Variants in IGSF11 observed in about 807,000 individuals in gnomAD.
The protein encoded by IGSF11 is CXADR like 1.
In IGSF11, 22 loss-of-function variants were observed where a neutral mutation model predicts 41.0. The observed-to-expected ratio is 0.54, with a 90% CI of 0.38 to 0.77. IGSF11 has a LOEUF of 0.77. IGSF11 is among the 30% of genes least tolerant of loss of function. The pLI, the probability that IGSF11 is intolerant of heterozygous loss-of-function variation, is 0.00. For synonymous variants in IGSF11, 219 were observed against 201.3 expected, an observed-to-expected ratio of 1.09 and a Z score of -0.74; for missense variants, 444 against 530.8, an observed-to-expected ratio of 0.84 and a Z score of 1.61.
At chr3:119,133,810 C>A (rs756749125) in intron 1 of IGSF11, among the ~76,000 whole-genome samples, 1 of 152,116 alleles carries the variant, frequency 6.6e-6, no homozygotes, top group Non-Finnish European at 1.5e-5. Context: ...AACATCGATG[C>A]GAAAATCTTC....
intron 1 of IGSF11, among the ~76,000 whole-genome samples, chr3:118,964,968 T>C (rs957709502): frequency 2.0e-5 from 3 of 152,152 alleles, no homozygotes; most frequent in African/African-American, 7.2e-5. Flanking sequence ...TTGTATAACT[T>C]CCACGTACTT....
At chr3:119,137,663 TTAAG>T (rs1189963417) in intron 1 of IGSF11, among the ~76,000 whole-genome samples, 2 of 152,168 alleles carry the variant, frequency 1.3e-5, no homozygotes, top group Non-Finnish European at 2.9e-5. Context: ...AGCAGAGTTC[TTAAG>T]TAATATCCCA....
chr3:119,082,800 G>T (rs6785914), intron 1 of IGSF11, among the ~76,000 whole-genome samples: 2 of 151,980 alleles, frequency 1.3e-5, no homozygotes, highest in Non-Finnish European at 1.5e-5. Flanking sequence ...GAAGAATCTA[G>T]GAGGTATGAT....
chr3:118,903,031 CTTTCT>C (rs1939108038), intron 6 of IGSF11, 70 bp from the exon 7 acceptor site: 3 of 1,428,344 alleles, frequency 2.1e-6, no homozygotes, highest in Admixed American at 1.9e-5. Context: ...ACCCTGGAAT[CTTTCT>C]TTTCATGTCA....
intron 1 of IGSF11, among the ~76,000 whole-genome samples, chr3:119,066,972 T>C (rs931499952): frequency 1.9e-4 from 29 of 152,196 alleles, no homozygotes; most frequent in African/African-American, 7.0e-4. Context: ...TTTCCAAATA[T>C]ATTAATCACA....
rs139357486 is a variant in IGSF11, at chr3:119,045,146, A to T, written c.49+59998T>A. Among the ~76,000 whole-genome samples, 332 of 152,366 alleles carry T rather than the reference A, an allele frequency of 2.2e-3. 2 individuals carry two copies. In the Middle Eastern group the frequency reaches 0.027, roughly 12 times the overall value. ...AATCCCACAAAAGGGAGGAGCCCAG[A>T]TGGCCAAATAGGAACAGCTCCGGTC... On this transcript the variant is annotated intron_variant, in intron 1 of 6. Transcript: ENST00000354673.
chr3:119,047,508 T>A (rs1468310164), intron 1 of IGSF11, among the ~76,000 whole-genome samples: 1 of 152,044 alleles, frequency 6.6e-6, no homozygotes, highest in African/African-American at 2.4e-5. Flanking sequence ...AAGTCCTGAG[T>A]GACCTACAAA....
At chr3:119,020,320 C>T (rs532465607) in intron 1 of IGSF11, among the ~76,000 whole-genome samples, 1 of 152,296 alleles carries the variant, frequency 6.6e-6, no homozygotes, top group East Asian at 1.9e-4. Flanking sequence ...AGGAGCACTG[C>T]CTCAGACTCC....
rs571900623 is a variant in IGSF11, at chr3:118,916,698, C to T, written c.580+9403G>A. On this transcript the variant is annotated intron_variant, in intron 4 of 6. Coordinates refer to ENST00000393775, the MANE Select transcript of IGSF11 (RefSeq NM_001015887.3). ...CCACTGTCAACATTAGACAGATCAA[C>T]GAGACAGAAAGTCAACAAGGATACC... is the stretch of plus-strand genomic sequence containing the variant. 1.1e-3 allele frequency among the ~76,000 whole-genome samples: 162 copies of T among 151,926 alleles called. 1 individual carries two copies. The highest frequency in any genetic ancestry group is 3.7e-3 in the African/African-American group (153 of 41,388).
intron 2 of IGSF11, among the ~76,000 whole-genome samples, chr3:118,928,971 C>T (rs954198364): frequency 2.0e-5 from 3 of 152,098 alleles, no homozygotes; most frequent in Non-Finnish European, 2.9e-5. Flanking sequence ...GTCTTTGCTG[C>T]TGCCCACCCT....
intron 1 of IGSF11, among the ~76,000 whole-genome samples, chr3:119,099,143 T>C (rs746012335): frequency 1.2e-4 from 19 of 152,222 alleles, no homozygotes; most frequent in Non-Finnish European, 2.2e-4. Flanking sequence ...AGGGTACTTT[T>C]GTTCCACTAT....
At chr3:119,037,076 G>T (rs375304981), upstream of IGSF11, among the ~76,000 whole-genome samples, 5 of 151,972 alleles carry the variant, frequency 3.3e-5, no homozygotes, top group East Asian at 5.8e-4. Context: ...CAAAAAGTGT[G>T]GTTTTTAAAA....
Position 119,009,368 on chromosome 3 carries a change from T to C in IGSF11, c.52+25163A>G, listed in dbSNP as rs181651854. Among the ~76,000 whole-genome samples, 64 of 152,278 alleles carry C rather than the reference T, an allele frequency of 4.2e-4. 1 individual carries two copies. Among genetic ancestry groups the C allele is most frequent in the Admixed American group, 3.3e-3 (51 of 15,288 alleles). On this transcript the variant is annotated intron_variant, in intron 1 of 6. Coordinates refer to ENST00000393775, the MANE Select transcript of IGSF11 (RefSeq NM_001015887.3). ...TCCACCCAAATCTTACCTAGAATTG[T>C]AATCCCCACGTGTCAAGGGAGGGAC...
intron 1 of IGSF11, among the ~76,000 whole-genome samples, chr3:118,931,496 C>A (rs1361463132): frequency 1.3e-5 from 2 of 152,184 alleles, no homozygotes; most frequent in Non-Finnish European, 2.9e-5. Flanking sequence ...AGTACTGATA[C>A]ATCTTACAAC....
chr3:119,092,685 T>C (rs566211745), intron 1 of IGSF11, among the ~76,000 whole-genome samples: 1 of 152,308 alleles, frequency 6.6e-6, no homozygotes, highest in African/African-American at 2.4e-5. Flanking sequence ...AGGCCTTCAC[T>C]TTCGCTCACT....
At chr3:119,060,429 T>C (rs889786312) in intron 1 of IGSF11, among the ~76,000 whole-genome samples, 9 of 152,164 alleles carry the variant, frequency 5.9e-5, no homozygotes, top group Admixed American at 2.0e-4. Flanking sequence ...ATAGCACATA[T>C]GATCAGTGTG....
rs374039387 is a variant in IGSF11 at position 118,909,057 on chromosome 3, G to C, written c.581-3339C>G. 1.1e-3 allele frequency among the ~76,000 whole-genome samples: 167 copies of C among 152,182 alleles called. 2 individuals carry two copies. The South Asian group carries it at 0.033, about 30-fold the overall frequency. ...TGTTTCCATGTGGGAATTCCTTCCT[G>C]GTACTTCTAGGGGAACTGATATATT... is the stretch of plus-strand genomic sequence containing the variant. On this transcript the variant is annotated intron_variant, in intron 4 of 6. Transcript: ENST00000393775.
intron 1 of IGSF11, among the ~76,000 whole-genome samples, chr3:119,008,324 C>T (rs1937656295): frequency 6.6e-6 from 1 of 152,198 alleles, no homozygotes; most frequent in African/African-American, 2.4e-5. Flanking sequence ...GCCTTCCTTG[C>T]ACTTTTTGAA....
intron 2 of IGSF11, 128 bp from the exon 3 acceptor site, chr3:118,928,844 T>A: frequency 1.5e-6 from 1 of 679,692 alleles, no homozygotes; most frequent in Non-Finnish European, 2.5e-6. Flanking sequence ...AATATGATAA[T>A]TATCATCAAC....
Sources: gnomAD v4.1 joint callset for allele counts (sites outside exome capture counted in the v4.1 genomes callset) on GRCh38, gnomAD v4.1.1 for gene constraint, MANE v1.5 for transcripts, NCBI Gene and HGNC (gene_info 2026-07-23, HGNC 2026-07-21) for gene names.